JCAD: variants seen among roughly 807,000 people sequenced by gnomAD.
JCAD encodes junctional cadherin 5 associated.
In JCAD, 40 loss-of-function variants were observed where a neutral mutation model predicts 98.0. The observed-to-expected ratio is 0.41, with a 90% CI of 0.32 to 0.53. The LOEUF is 0.53. JCAD is among the 20% of genes least tolerant of loss of function. The pLI is 0.31. For synonymous variants in JCAD, 691 were observed against 682.3 expected (o/e 1.01, Z -0.20); for missense variants, 1,705 against 1,738.1 (o/e 0.98, Z 0.34).
At position 30,017,837 on chromosome 10, in the gene JCAD, G is replaced by T. The variant is rs374219802; in HGVS notation, c.*46C>A. The T allele has an allele frequency of 6.4e-7, 1 of 1,567,600 alleles. No homozygotes were observed. The highest frequency in any genetic ancestry group is 8.8e-7 in the Non-Finnish European group (1 of 1,137,478). ...GATAGACTAAATCTACCAGCTACTT[G>T]AGAATACTCAATTCGCAACGGAATG... On this transcript the variant is annotated 3_prime_UTR_variant, in exon 4 of 4. Coordinates refer to ENST00000375377, the MANE Select transcript of JCAD (RefSeq NM_020848.4).
chr10:30,027,064 CCT>C lies in JCAD; in HGVS notation c.3082_3083del (p.Arg1028GlyfsTer10). 1 of 1,614,220 alleles carries C rather than the reference CCT, an allele frequency of 6.2e-7. No homozygotes were observed. The highest frequency in any genetic ancestry group is 1.3e-5 in the African/African-American group (1 of 75,068). On this transcript the variant is annotated frameshift_variant, in exon 3 of 4. Transcript: ENST00000375377. LOFTEE classifies it high-confidence loss of function. Reference protein sequence around the residue: ...VPRKFDSGGERGAGLPLSLSN... With the variant: ...VPRKFDSGGEXGAGLPLSLSN... Reference sequence around the variant, plus strand: ...ACAGGGACAGTGGGAGCCCTGCCCCCCTCTCTCCACCACTGTCAAACTTCCGA... The same window carrying C: ...ACAGGGACAGTGGGAGCCCTGCCCCCCTCTCCACCACTGTCAAACTTCCGA...
At position 30,027,260 on chromosome 10, in the gene JCAD, T is replaced by A; in HGVS notation, c.2888A>T (p.Asn963Ile). The stretch of plus-strand genomic sequence containing the variant: ...GCTACCTGCCAGCTCGTCCATTCCG[T>A]TGCTAACCTCCAGGTGTCTCTTCTC... ...SAEKRHLEVSNGMDELAGSPF... is the reference protein window; with the variant it reads ...SAEKRHLEVSIGMDELAGSPF... The change falls in exon 3 of 4, where the codon AAC becomes ATC. Residue 963 changes from asparagine to isoleucine, a missense_variant. Physicochemically the swap from Asn to Ile is moderately radical, Grantham distance 149. This residue lies in a region of JCAD where 1,278 missense variants were observed against 1,243.1 expected (regional missense o/e 1.03). Transcript: ENST00000375377. 6.2e-7 allele frequency: 1 copy of A among 1,614,212 alleles called. No individual in the cohort carries two copies. Among genetic ancestry groups the A allele is most frequent in the Non-Finnish European group, 8.5e-7 (1 of 1,180,042 alleles).
At chr10:30,039,765 T>C (rs1837204225) in intron 2 of JCAD, among the ~76,000 whole-genome samples, 1 of 152,116 alleles carries the variant, frequency 6.6e-6, no homozygotes, top group African/African-American at 2.4e-5. Context: ...GCAGCTGCCC[T>C]GGGCACTGGA....
Position 30,027,788 on chromosome 10 carries a change from T to C in JCAD, c.2360A>G (p.Asp787Gly). 1 of 1,614,214 alleles carries C rather than the reference T, an allele frequency of 6.2e-7. No individual in the cohort carries two copies. The highest frequency in any genetic ancestry group is 1.1e-5 in the South Asian group (1 of 91,090). ...PKAGRSQPCV[D>G]VHGLGAHPGP... Reference sequence around the variant, plus strand: ...AGGGTGGGCTCCAAGCCCGTGGACATCCACGCAGGGCTGACTTCGGCCTGC... The same window carrying C: ...AGGGTGGGCTCCAAGCCCGTGGACACCCACGCAGGGCTGACTTCGGCCTGC... Residue 787 changes from aspartate to glycine, a missense_variant, in exon 3 of 4, where the codon GAT becomes GGT. Coordinates refer to ENST00000375377, the MANE Select transcript of JCAD (RefSeq NM_020848.4).
chr10:30,083,647 T>C (rs1838121888), intron 1 of JCAD, among the ~76,000 whole-genome samples: 1 of 152,186 alleles, frequency 6.6e-6, no homozygotes, highest in Non-Finnish European at 1.5e-5. Context: ...CAATTCATAG[T>C]TTTACATGGA....
In JCAD at chr10:30,029,071, T is replaced by A. The variant is rs1039494187; in HGVS notation, c.1077A>T (p.Glu359Asp). The change falls in exon 3 of 4, where the codon GAA (glutamate) becomes GAT (aspartate). Residue 359 changes from glutamate (E) to aspartate (D), a missense_variant. Transcript: ENST00000375377. The stretch of plus-strand genomic sequence containing the variant: ...CACACACATTTATGGGCACCGTGTC[T>A]TCCAAGTAGGGGTTTGGGATGTTCT... ...PPQNIPNPYL[E>D]DTVPINVCGG... 7 of 1,613,976 alleles carry A rather than the reference T, an allele frequency of 4.3e-6. No homozygotes were observed. The highest frequency in any genetic ancestry group is 1.6e-4 in the Middle Eastern group (1 of 6,084).
At chr10:30,061,745 T>C (rs75514541), upstream of JCAD, among the ~76,000 whole-genome samples, 4 of 151,268 alleles carry the variant, frequency 2.6e-5, no homozygotes, top group South Asian at 2.1e-4. Context: ...TTTTTTTTTT[T>C]CTGGGGAGTC....
intron 1 of JCAD, among the ~76,000 whole-genome samples, chr10:30,100,768 C>A (rs1322142216): frequency 6.6e-6 from 1 of 152,172 alleles, no homozygotes; most frequent in Non-Finnish European, 1.5e-5. Context: ...ATATGAGTGA[C>A]CAATGGCCCC....
chr10:30,106,641 C>G (rs539650405), intron 1 of JCAD, among the ~76,000 whole-genome samples: 49 of 152,262 alleles, frequency 3.2e-4, no homozygotes, highest in African/African-American at 1.2e-3. Context: ...GCTGGGGTTA[C>G]AGGTGCATGC....
At chr10:30,017,979 A>G in intron 3 of JCAD, 62 bp from the exon 4 acceptor site, 7 of 1,311,810 alleles carry the variant, frequency 5.3e-6, no homozygotes, top group Non-Finnish European at 7.6e-6. Flanking sequence ...TTTCTGTTTA[A>G]TCCTTAGACC....
chr10:30,026,808 G>A lies in JCAD; in HGVS notation c.3340C>T (p.Pro1114Ser). ...TCTGGGGTGCAGGCACTTGCATCGG[G>A]CTCAGCAGGCTGGTTCTGTCCCGCT... ...RRAGQNQPAE[P>S]DASACTPESP... The change falls in exon 3 of 4, where the codon CCC (proline) becomes TCC (serine). Residue 1114 changes from proline to serine, a missense_variant. Transcript: ENST00000375377. 1 of 1,614,024 alleles carries A rather than the reference G, an allele frequency of 6.2e-7. No homozygotes were observed. The highest frequency in any genetic ancestry group is 8.5e-7 in the Non-Finnish European group (1 of 1,180,048).
intron 3 of JCAD, 28 bp downstream of exon 3, chr10:30,026,075 G>A (rs373706106): frequency 6.2e-7 from 1 of 1,613,452 alleles, no homozygotes; most frequent in African/African-American, 1.3e-5. Flanking sequence ...TGTATACTGA[G>A]CACCTGCCTG....
intron 2 of JCAD, among the ~76,000 whole-genome samples, chr10:30,035,511 G>A (rs1392081583): frequency 6.6e-6 from 1 of 152,200 alleles, no homozygotes; most frequent in Non-Finnish European, 1.5e-5. Flanking sequence ...CATGGGGGTC[G>A]CTCTGGTAGA....
intron 1 of JCAD, among the ~76,000 whole-genome samples, chr10:30,082,820 T>C (rs188941563): frequency 1.7e-3 from 240 of 142,904 alleles, no homozygotes; most frequent in African/African-American, 6.0e-3. Flanking sequence ...CATTGTACTT[T>C]AGCCTGGGCA....
chr10:30,102,133 A>C (rs1564472839), intron 1 of JCAD, among the ~76,000 whole-genome samples: 1 of 152,132 alleles, frequency 6.6e-6, no homozygotes, highest in Non-Finnish European at 1.5e-5. Context: ...TTATTGTGGT[A>C]AGAACACTTT....
chr10:30,076,982 G>A (rs1263639666), intron 1 of JCAD, among the ~76,000 whole-genome samples: 3 of 152,128 alleles, frequency 2.0e-5, no homozygotes, highest in Admixed American at 6.5e-5. Context: ...AGAAGGGAAG[G>A]CAGAAAAATG....
chr10:30,027,396 C>T lies in JCAD; in HGVS notation c.2752G>A (p.Glu918Lys). 6.2e-7 allele frequency: 1 copy of T among 1,606,674 alleles called. No homozygotes were observed. The highest frequency in any genetic ancestry group is 8.5e-7 in the Non-Finnish European group (1 of 1,180,002). The change falls in exon 3 of 4, where the codon GAG becomes AAG. Residue 918 changes from glutamate (E) to lysine (K), a missense_variant. Physicochemically the swap from Glu to Lys is moderately conservative, Grantham distance 56. This residue lies in a region of JCAD where 1,278 missense variants were observed against 1,243.1 expected (regional missense o/e 1.03). Transcript: ENST00000375377. ...CGTGGGTGGCCAGGCTGCAGCTCCTCACTCCAGCTCTCAGACTTACTCTCA... is the reference window on the plus strand; with the variant it reads ...CGTGGGTGGCCAGGCTGCAGCTCCTTACTCCAGCTCTCAGACTTACTCTCA... The part of the protein sequence containing the change: ...RGESKSESWS[E>K]ELQPGHPRAW...
In JCAD at chr10:30,027,778, C is replaced by A. The variant is rs1208663713; in HGVS notation, c.2370G>T (p.Gly790=). ...GCTTAGGCCCAGGGTGGGCTCCAAG[C>A]CCGTGGACATCCACGCAGGGCTGAC... The part of the protein sequence containing the change: ...GRSQPCVDVH[G]LGAHPGPKRE... The change falls in exon 3 of 4, where the codon GGG becomes GGT. Residue 790 remains glycine, a synonymous_variant. Transcript: ENST00000375377. The A allele has an allele frequency of 6.2e-7, 1 of 1,614,136 alleles. No individual in the cohort carries two copies. Among genetic ancestry groups the A allele is most frequent in the Non-Finnish European group, 8.5e-7 (1 of 1,180,048 alleles).
At chr10:30,047,950 C>T in intron 1 of JCAD, 79 bp from the exon 2 acceptor site, 5 of 806,930 alleles carry the variant, frequency 6.2e-6, no homozygotes, top group Non-Finnish European at 7.7e-6. Flanking sequence ...CCGTGGTCCC[C>T]CCACCAAACC....
Sources: allele counts gnomAD v4.1 joint callset (sites outside exome capture counted in the v4.1 genomes callset), GRCh38; gene constraint gnomAD v4.1.1; regional missense constraint gnomAD v4.1.1; transcripts MANE v1.5; gene names NCBI Gene and HGNC (gene_info 2026-07-23, HGNC 2026-07-21).